The following MED12L variants were observed in gnomAD, a reference collection of about 807,000 sequenced individuals.
MED12L encodes the protein mediator of RNA polymerase II transcription subunit 12-like protein.
MED12L carries 60 observed loss-of-function variants against 281.3 expected under a neutral mutation model. The observed-to-expected ratio is 0.21, with a 90% confidence interval of 0.17 to 0.26. MED12L has a LOEUF of 0.26. Ranked by LOEUF, MED12L falls within the 10% of genes least tolerant of loss-of-function variation. The pLI is 1.00. For missense variants in MED12L, 2,146 were observed against 2,680.9 expected (o/e 0.80, Z 4.41); for synonymous variants, 974 against 987.2 (o/e 0.99, Z 0.25).
At chr3:151,123,615 T>A (rs1016457619) in intron 4 of MED12L, among the ~76,000 whole-genome samples, 1 of 152,198 alleles carries the variant, frequency 6.6e-6, no homozygotes, top group Non-Finnish European at 1.5e-5. Flanking sequence ...GAAATTTATA[T>A]AAGAAACTAG....
chr3:151,336,588 C>A (rs1172103534), intron 16 of MED12L: 2 of 455,194 alleles, frequency 4.4e-6, no homozygotes, highest in Non-Finnish European at 8.8e-6. Flanking sequence ...TAAACTTCCA[C>A]ATGTGTTATA....
Position 151,211,367 on chromosome 3 carries a change from G to GTT in MED12L, c.2250+17712_2250+17713dup, listed in dbSNP as rs796470169. Among the ~76,000 whole-genome samples, 1,190 of 126,768 alleles carry GTT rather than the reference G, an allele frequency of 9.4e-3. 23 individuals are homozygous for GTT. Among genetic ancestry groups the GTT allele is most frequent in the African/African-American group, 0.032 (1,135 of 35,370 alleles). The allele number at this position is 126,768 out of a possible 152,430, so 83.2% of individuals were successfully genotyped here. A position where few individuals can be genotyped will look rare whatever the true frequency, so the allele number is the denominator to read the frequency against. ...GTTGTGAAGAATAAACACTGCCTTT[G>GTT]TTTTTTTTTTTTGTTTCGTTTTTGT... On this transcript the variant is annotated intron_variant, in intron 16 of 44. Coordinates refer to ENST00000687756, the MANE Select transcript of MED12L (RefSeq NM_001393769.1).
At chr3:151,404,974 G>A (rs574393241) in intron 39 of MED12L, among the ~76,000 whole-genome samples, 1 of 152,114 alleles carries the variant, frequency 6.6e-6, no homozygotes, top group African/African-American at 2.4e-5. Flanking sequence ...AATTATGTTC[G>A]AGGATCATTA....
At chr3:151,423,035 T>A (rs1044550167) in intron 43 of MED12L, among the ~76,000 whole-genome samples, 7 of 122,148 alleles carry the variant, frequency 5.7e-5, no homozygotes, top group African/African-American at 1.7e-4. Flanking sequence ...ATATATATAT[T>A]TTGAAACGGA....
At chr3:151,393,591 T>A (rs948123583) in intron 38 of MED12L, among the ~76,000 whole-genome samples, 5 of 151,416 alleles carry the variant, frequency 3.3e-5, no homozygotes, top group Non-Finnish European at 7.4e-5. Flanking sequence ...GAGCAAATTA[T>A]GAGGGAGACC....
intron 2 of MED12L, among the ~76,000 whole-genome samples, chr3:151,103,650 C>T (rs1237769453): frequency 3.3e-5 from 5 of 152,248 alleles, no homozygotes; most frequent in Admixed American, 1.3e-4. Context: ...ACTTAGTGTG[C>T]GTGCCAGTTA....
chr3:151,247,340 A>G (rs974193833), intron 16 of MED12L, among the ~76,000 whole-genome samples: 1 of 152,134 alleles, frequency 6.6e-6, no homozygotes, highest in Non-Finnish European at 1.5e-5. Context: ...ATTATTCACA[A>G]TAGCAAAGAC....
At chr3:151,289,773 C>T (rs1476337361) in intron 16 of MED12L, among the ~76,000 whole-genome samples, 1 of 152,092 alleles carries the variant, frequency 6.6e-6, no homozygotes, top group African/African-American at 2.4e-5. Flanking sequence ...AACCTAGTAT[C>T]TATTTGCAGA....
chr3:151,127,698 G>A, intron 4 of MED12L, 127 bp from the exon 5 acceptor site: 1 of 637,802 alleles, frequency 1.6e-6, no homozygotes, highest in Non-Finnish European at 2.6e-6. Flanking sequence ...AATCCATCAA[G>A]GATATACTTT....
chr3:151,259,120 A>G (rs1420198310), intron 16 of MED12L, among the ~76,000 whole-genome samples: 2 of 152,338 alleles, frequency 1.3e-5, no homozygotes, highest in South Asian at 2.1e-4. Context: ...TTTTTAACAC[A>G]TGGACTGAAA....
At chr3:151,155,505 A>C (rs1719155578) in intron 5 of MED12L, among the ~76,000 whole-genome samples, 1 of 152,026 alleles carries the variant, frequency 6.6e-6, no homozygotes, top group African/African-American at 2.4e-5. Flanking sequence ...GGTTGAGGAG[A>C]GTAGAATAAT....
chr3:151,278,028 G>T (rs1172000848), intron 16 of MED12L, among the ~76,000 whole-genome samples: 1 of 152,116 alleles, frequency 6.6e-6, no homozygotes, highest in Non-Finnish European at 1.5e-5. Flanking sequence ...CTTCATCACA[G>T]ATATATTTTG....
intron 2 of MED12L, among the ~76,000 whole-genome samples, chr3:151,107,636 G>A (rs1722241768): frequency 6.6e-6 from 1 of 152,116 alleles, no homozygotes; most frequent in South Asian, 2.1e-4. Flanking sequence ...ATGTGGGATG[G>A]CATATAATAA....
At chr3:151,271,127 G>T (rs1740866998) in intron 16 of MED12L, among the ~76,000 whole-genome samples, 1 of 151,834 alleles carries the variant, frequency 6.6e-6, no homozygotes, top group Non-Finnish European at 1.5e-5. Context: ...AAGTATCTCT[G>T]TTAAAGGCTC....
In MED12L at chr3:151,190,879, T is replaced by G; in HGVS notation, c.1916T>G (p.Val639Gly). 6.2e-7 allele frequency: 1 copy of G among 1,614,114 alleles called. No homozygotes were observed. The highest frequency in any genetic ancestry group is 8.5e-7 in the Non-Finnish European group (1 of 1,180,024). The change falls in exon 14 of 45, where the codon GTA becomes GGA. Residue 639 changes from valine (V) to glycine (G), a missense_variant. Physicochemically the swap from Val to Gly is moderately radical, Grantham distance 109 (BLOSUM62 -3). Around this residue, in one of 9 missense-constraint regions of MED12L, gnomAD observed 722 missense variants for 861.2 expected, o/e 0.84. Transcript: ENST00000687756. ...VTASTRPRSP[V>G]GENADEHYSK... ...GCCTCAACTCGGCCGCGGTCACCAG[T>G]AGGGGAAAATGCAGATGAACACTAT...
At chr3:151,289,992 G>T (rs1044050906) in intron 16 of MED12L, among the ~76,000 whole-genome samples, 2 of 151,978 alleles carry the variant, frequency 1.3e-5, no homozygotes, top group Non-Finnish European at 2.9e-5. Flanking sequence ...CCGGGTTTGA[G>T]CAATTCTTCT....
intron 36 of MED12L, among the ~76,000 whole-genome samples, chr3:151,385,889 A>G (rs1713260999): frequency 6.6e-6 from 1 of 152,080 alleles, no homozygotes; most frequent in Non-Finnish European, 1.5e-5. Context: ...TACTCTTTTA[A>G]TGAACAGTAA....
At chr3:151,207,989 T>C (rs1726604261) in intron 16 of MED12L, among the ~76,000 whole-genome samples, 1 of 152,224 alleles carries the variant, frequency 6.6e-6, no homozygotes, top group African/African-American at 2.4e-5. Flanking sequence ...ATTTAGGTTT[T>C]AAATGTTTCT....
chr3:151,428,797 T>C (rs1719140875), intron 43 of MED12L, among the ~76,000 whole-genome samples: 1 of 152,230 alleles, frequency 6.6e-6, no homozygotes, highest in Non-Finnish European at 1.5e-5. Flanking sequence ...TTAGTGTATA[T>C]CCCAAATACT....
Sources: allele counts gnomAD v4.1 joint callset (sites outside exome capture counted in the v4.1 genomes callset), GRCh38; gene constraint gnomAD v4.1.1; regional missense constraint gnomAD v4.1.1; transcripts MANE v1.5; gene names NCBI Gene and HGNC (gene_info 2026-07-23, HGNC 2026-07-21).